Variants in BRCA1 observed in about 807,000 individuals in gnomAD.
BRCA1 encodes the protein breast cancer type 1 susceptibility protein.
In BRCA1, 140 loss-of-function variants were observed where a neutral mutation model predicts 173.7. That is an observed-to-expected ratio of 0.81 (90% CI 0.70 to 0.93). BRCA1 has a LOEUF of 0.93. Among genes scored for constraint, BRCA1 ranks in the 40% least tolerant of loss-of-function variants. The pLI is 0.00. For synonymous variants in BRCA1, 662 were observed against 756.0 expected (o/e 0.88, Z 2.04); for missense variants, 1,983 against 2,172.5 (o/e 0.91, Z 1.73).
rs80357605 is a variant in BRCA1, at chr17:43,092,800, CTTGA to C, written c.2727_2730del (p.Asn909LysfsTer90). The C allele has an allele frequency of 1.2e-6, 2 of 1,613,902 alleles. No individual in the cohort carries two copies. Among genetic ancestry groups the C allele is most frequent in the South Asian group, 1.1e-5 (1 of 91,064 alleles). ...GGCTTGATATTAGACTCATTCTTTC[CTTGA>C]TTTTCTTCCTTTTGTTCACATTCAA... is the stretch of plus-strand genomic sequence containing the variant. On this transcript the variant is annotated frameshift_variant, in exon 10 of 23. Transcript: ENST00000357654. LOFTEE classifies it high-confidence loss of function.
chr17:43,129,453 T>A (rs572951844), upstream of BRCA1, among the ~76,000 whole-genome samples: 1 of 152,062 alleles, frequency 6.6e-6, no homozygotes, highest in Admixed American at 6.5e-5. Flanking sequence ...CCCTAACGAG[T>A]AGGGAAGTGT....
chr17:43,133,634 T>A (rs1407773484), intron 1 of BRCA1, among the ~76,000 whole-genome samples: 2 of 140,868 alleles, frequency 1.4e-5, no homozygotes, highest in African/African-American at 5.1e-5. Flanking sequence ...CCTTTTTCAC[T>A]TCCTTTTTTT....
intron 16 of BRCA1, among the ~76,000 whole-genome samples, chr17:43,064,211 C>T (rs1173318395): frequency 6.6e-6 from 1 of 152,196 alleles, no homozygotes; most frequent in Non-Finnish European, 1.5e-5. Flanking sequence ...TCTCAACACC[C>T]ATCTTCTAGA....
At chr17:43,082,015 T>A (rs2053021652) in intron 12 of BRCA1, among the ~76,000 whole-genome samples, 1 of 152,172 alleles carries the variant, frequency 6.6e-6, no homozygotes, top group African/African-American at 2.4e-5. Flanking sequence ...ATTAAATAGG[T>A]CTTTGTGATG....
intron 1 of BRCA1, among the ~76,000 whole-genome samples, chr17:43,131,427 G>A (rs942623809): frequency 6.6e-6 from 1 of 152,034 alleles, no homozygotes; most frequent in Admixed American, 6.6e-5. Context: ...AAGAGATGTC[G>A]GGAGAAGCAC....
chr17:43,096,013 C>T (rs1010030930), intron 8 of BRCA1, 91 bp from the exon 9 acceptor site: 28 of 1,064,118 alleles, frequency 2.6e-5, no homozygotes, highest in Non-Finnish European at 3.4e-5. Flanking sequence ...TTAGCTCTTT[C>T]GATTACAGAA....
rs193149108 is a variant in BRCA1, at chr17:43,051,137, G to A, written c.5278-20C>T. On this transcript the variant is annotated intron_variant, in intron 19 of 22. Transcript: ENST00000357654. Reference sequence around the variant, plus strand: ...GAAGATCTGGAAGAAGAGAGGAAGAGAGAGGGACAGGGGAATGGAGAGAAG... The same window carrying A: ...GAAGATCTGGAAGAAGAGAGGAAGAAAGAGGGACAGGGGAATGGAGAGAAG... The A allele has an allele frequency of 1.5e-5, 24 of 1,608,806 alleles. No homozygotes were observed. In the African/African-American group the frequency reaches 2.7e-4, roughly 18 times the overall value.
upstream of BRCA1, among the ~76,000 whole-genome samples, chr17:43,126,106 G>C (rs1273558759): frequency 6.6e-6 from 1 of 152,230 alleles, no homozygotes; most frequent in Admixed American, 6.5e-5. Context: ...GTCTTGTAAG[G>C]TCAGTGGCCT....
chr17:43,098,036 T>TC (rs1481525383), intron 7 of BRCA1, among the ~76,000 whole-genome samples: 24 of 151,466 alleles, frequency 1.6e-4, no homozygotes, highest in Admixed American at 1.6e-3. Flanking sequence ...AGCTCTTTTT[T>TC]TTTTTTTTTT....
At chr17:43,100,483 A>C (rs1483035232) in intron 6 of BRCA1, among the ~76,000 whole-genome samples, 1 of 141,512 alleles carries the variant, frequency 7.1e-6, no homozygotes, top group East Asian at 2.0e-4. Context: ...CTGGGTCTAC[A>C]AGCGTGTGCA....
upstream of BRCA1, among the ~76,000 whole-genome samples, chr17:43,129,897 A>G (rs1214900202): frequency 2.0e-5 from 3 of 152,222 alleles, no homozygotes; most frequent in African/African-American, 7.2e-5. Flanking sequence ...GATTCTGCCC[A>G]AATTTTAACG....
At chr17:43,161,067 T>C (rs999462566) in intron 1 of BRCA1, 1 of 152,212 alleles carries the variant, frequency 6.6e-6, no homozygotes, top group African/African-American at 2.4e-5. Context: ...CTTCAACTAC[T>C]TGCCCTTGGT....
Position 43,044,804 on chromosome 17 carries a change from CTTTTTTTT to C in BRCA1, c.*866_*873del, listed in dbSNP as rs59541324. On this transcript the variant is annotated 3_prime_UTR_variant, in exon 23 of 23. Coordinates refer to ENST00000357654, the MANE Select transcript of BRCA1 (RefSeq NM_007294.4). ...AGAAATCTCTTCTAGTTTCATTTTC[CTTTTTTTT>C]TTTTTTTTTTTGAGCCACAGTCTCA... is the stretch of plus-strand genomic sequence containing the variant. 11 of 381,480 alleles carry C rather than the reference CTTTTTTTT, an allele frequency of 2.9e-5. No individual in the cohort carries two copies. Among genetic ancestry groups the C allele is most frequent in the East Asian group, 5.9e-5 (1 of 16,812 alleles). 23.6% of individuals were successfully genotyped at this position (381,480 alleles called of 1,614,324 possible).
intron 7 of BRCA1, among the ~76,000 whole-genome samples, chr17:43,097,598 A>G (rs753221582): frequency 6.6e-6 from 1 of 152,218 alleles, no homozygotes; most frequent in African/African-American, 2.4e-5. Context: ...TACTGAAAAC[A>G]AAAACAAAAA....
At chr17:43,164,054 C>G (rs2056252233) in intron 1 of BRCA1, 1 of 152,228 alleles carries the variant, frequency 6.6e-6, no homozygotes. Context: ...GCCATGTGCA[C>G]AAGCATAACA....
intron 7 of BRCA1, among the ~76,000 whole-genome samples, chr17:43,099,536 G>T (rs1424852929): frequency 6.6e-6 from 1 of 152,056 alleles, no homozygotes; most frequent in African/African-American, 2.4e-5. Context: ...CTCCCAAAGT[G>T]CTGGGATTAC....
At chr17:43,134,253 C>G (rs1208255828) in intron 1 of BRCA1, among the ~76,000 whole-genome samples, 1 of 152,212 alleles carries the variant, frequency 6.6e-6, no homozygotes, top group Non-Finnish European at 1.5e-5. Context: ...TCCTCCGCCC[C>G]CCTCCTTCAT....
intron 1 of BRCA1, among the ~76,000 whole-genome samples, chr17:43,169,676 C>T (rs1447570774): frequency 6.6e-6 from 1 of 152,066 alleles, no homozygotes; most frequent in East Asian, 1.9e-4. Flanking sequence ...ACCCATCTGC[C>T]TAGCTTCGGA....
chr17:43,096,433 G>A (rs185052954), intron 8 of BRCA1, among the ~76,000 whole-genome samples: 4 of 150,002 alleles, frequency 2.7e-5, no homozygotes, highest in South Asian at 2.1e-4. Flanking sequence ...TTAACCGGGC[G>A]TGGTGGTGTA....
Sources: allele counts gnomAD v4.1 joint callset (sites outside exome capture counted in the v4.1 genomes callset), GRCh38; gene constraint gnomAD v4.1.1; transcripts MANE v1.5; gene names NCBI Gene and HGNC (gene_info 2026-07-23, HGNC 2026-07-21).